TLL2: variants seen among roughly 807,000 people sequenced by gnomAD.
TLL2 encodes tolloid-like protein 2.
In TLL2, 106 loss-of-function variants were observed where a neutral mutation model predicts 123.0. The ratio of observed to expected loss-of-function variants is 0.86; its 90% confidence interval spans 0.74 to 1.01. The LOEUF (loss-of-function observed/expected upper bound fraction) is 1.01. TLL2 is among the 50% of genes least tolerant of loss of function. The pLI, the probability that TLL2 is intolerant of heterozygous loss-of-function variation, is 0.00. For synonymous variants in TLL2, 494 were observed against 516.8 expected (o/e 0.96, Z 0.60); for missense variants, 1,332 against 1,336.7 (o/e 1.00, Z 0.06).
chr10:96,496,200 C>T (rs1226402141), intron 1 of TLL2, among the ~76,000 whole-genome samples: 1 of 152,182 alleles, frequency 6.6e-6, no homozygotes, highest in Admixed American at 6.5e-5. Flanking sequence ...TAATTGATCA[C>T]AGCTCTCCTG....
chr10:96,374,033 T>C (rs1338353878), intron 18 of TLL2: 1 of 551,248 alleles, frequency 1.8e-6, no homozygotes, highest in Non-Finnish European at 3.3e-6. Context: ...AGTAGTTACA[T>C]GAGCTATTGC....
chr10:96,433,059 T>C, intron 3 of TLL2, 97 bp from the exon 4 acceptor site: 1 of 1,496,558 alleles, frequency 6.7e-7, no homozygotes, highest in Non-Finnish European at 9.1e-7. Context: ...AAGGGGGTGT[T>C]AAAACATGTT....
At chr10:96,442,141 G>A (rs1846855563) in intron 3 of TLL2, among the ~76,000 whole-genome samples, 1 of 152,176 alleles carries the variant, frequency 6.6e-6, no homozygotes, top group Non-Finnish European at 1.5e-5. Context: ...TCTGACCAAA[G>A]GGTCTGCCGG....
At chr10:96,413,878 C>T (rs1412078877) in intron 7 of TLL2, among the ~76,000 whole-genome samples, 1 of 152,024 alleles carries the variant, frequency 6.6e-6, no homozygotes, top group East Asian at 1.9e-4. Flanking sequence ...TGAAAAAAGC[C>T]CTGGACTAGA....
At chr10:96,388,429 A>T (rs901780884) in intron 13 of TLL2, among the ~76,000 whole-genome samples, 1 of 152,178 alleles carries the variant, frequency 6.6e-6, no homozygotes, top group South Asian at 2.1e-4. Context: ...TGTTCACCAA[A>T]TCTTGAAATA....
rs1229983175 is a variant in TLL2 at position 96,437,346 on chromosome 10, A to G, written c.365-4384T>C. Among the ~76,000 whole-genome samples the G allele has an allele frequency of 3.3e-5, 5 of 152,322 alleles. No individual in the cohort carries two copies. The South Asian group carries it at 8.3e-4, about 25-fold the overall frequency. On this transcript the variant is annotated intron_variant, in intron 3 of 20. Coordinates refer to ENST00000357947, the MANE Select transcript of TLL2 (RefSeq NM_012465.4). ...TGCAAAACTACAGTACAATAACACA[A>G]CTAGGATATGGGCATTGATACAAGC... is the stretch of plus-strand genomic sequence containing the variant.
intron 1 of TLL2, among the ~76,000 whole-genome samples, chr10:96,489,419 C>T (rs1847390333): frequency 6.6e-6 from 1 of 152,158 alleles, no homozygotes; most frequent in Non-Finnish European, 1.5e-5. Context: ...GCCCCAGGTA[C>T]ATGGGAGGCT....
intron 2 of TLL2, among the ~76,000 whole-genome samples, chr10:96,468,439 G>A (rs1847149817): frequency 6.6e-6 from 1 of 152,190 alleles, no homozygotes; most frequent in Non-Finnish European, 1.5e-5. Context: ...TGAGAAGAGA[G>A]ATCAGCCTTG....
intron 19 of TLL2, among the ~76,000 whole-genome samples, chr10:96,371,352 A>C (rs1015838560): frequency 6.6e-6 from 1 of 152,066 alleles, no homozygotes; most frequent in Non-Finnish European, 1.5e-5. Context: ...AAATAAATAA[A>C]ATAGATAGAT....
Position 96,422,838 on chromosome 10 carries a change from G to A in TLL2, c.639-111C>T. 3 of 1,330,682 alleles carry A rather than the reference G, an allele frequency of 2.3e-6. No individual in the cohort carries two copies. In the South Asian group the frequency reaches 4.0e-5, roughly 18 times the overall value. The allele number at this position is 1,330,682 out of a possible 1,614,324, so 82.4% of individuals were successfully genotyped here. ...GTGCGTGTGTGCATGTAAAAGAACA[G>A]AATTTCAGGCCGGGTGCAGTGGCTT... is the stretch of plus-strand genomic sequence containing the variant. On this transcript the variant is annotated intron_variant, in intron 5 of 20. Transcript: ENST00000357947.
intron 3 of TLL2, among the ~76,000 whole-genome samples, chr10:96,444,222 C>G (rs1418232022): frequency 6.6e-6 from 1 of 152,186 alleles, no homozygotes; most frequent in Non-Finnish European, 1.5e-5. Flanking sequence ...CCTTTTGAAA[C>G]ACAACCTAGC....
Position 96,422,574 on chromosome 10 carries a change from G to A in TLL2, c.792C>T (p.Thr264=). 1.2e-6 allele frequency: 2 copies of A among 1,614,146 alleles called. No individual in the cohort carries two copies. The highest frequency in any genetic ancestry group is 2.2e-5 in the East Asian group (1 of 44,872). The stretch of plus-strand genomic sequence containing the variant: ...CTGGCTGGATGTTTTCCCTGATGAT[G>A]GTGACATGTTGGTCTCTGTCTGGCC... ...HTRPDRDQHV[T]IIRENIQPGQ... The change falls in exon 6 of 21, where the codon ACC becomes ACT. Residue 264 remains threonine (T), a synonymous_variant. Coordinates refer to ENST00000357947, the MANE Select transcript of TLL2 (RefSeq NM_012465.4).
chr10:96,444,456 C>T lies in TLL2; in HGVS notation c.364+1635G>A, dbSNP rs757752695. ...GGTTGTGCCCATGAGGTATTGATGA[C>T]GAAAGCATGATGCAGAAAAAATGTG... On this transcript the variant is annotated intron_variant, in intron 3 of 20. Coordinates refer to ENST00000357947, the MANE Select transcript of TLL2 (RefSeq NM_012465.4). Among the ~76,000 whole-genome samples the T allele has an allele frequency of 1.2e-4, 19 of 152,046 alleles. 1 individual carries two copies. The highest frequency in any genetic ancestry group is 9.8e-4 in the Admixed American group (15 of 15,268).
intron 2 of TLL2, among the ~76,000 whole-genome samples, chr10:96,459,857 T>C (rs1683699053): frequency 6.6e-6 from 1 of 150,686 alleles, no homozygotes; most frequent in Non-Finnish European, 1.5e-5. Flanking sequence ...GGTACTGAGA[T>C]TATTATTTAG....
intron 2 of TLL2, among the ~76,000 whole-genome samples, chr10:96,459,060 C>T (rs868508861): frequency 2.0e-5 from 3 of 152,154 alleles, no homozygotes; most frequent in Non-Finnish European, 4.4e-5. Flanking sequence ...GCATTTTTAT[C>T]GCAATTTATG....
chr10:96,459,155 GA>G (rs1847048106), intron 2 of TLL2, among the ~76,000 whole-genome samples: 1 of 152,098 alleles, frequency 6.6e-6, no homozygotes, highest in African/African-American at 2.4e-5. Flanking sequence ...TTCCCCAAAC[GA>G]AGTTATGGGT....
At chr10:96,482,422 C>T (rs945633440) in intron 1 of TLL2, among the ~76,000 whole-genome samples, 12 of 152,194 alleles carry the variant, frequency 7.9e-5, no homozygotes, top group African/African-American at 2.7e-4. Context: ...CTTGAAACAA[C>T]TTACATGTCC....
At chr10:96,491,763 T>C (rs72812932) in intron 1 of TLL2, among the ~76,000 whole-genome samples, 23,317 of 152,162 alleles carry the variant, frequency 0.15, 2,395 homozygotes, top group East Asian at 0.44. Flanking sequence ...CCTTGGTTTG[T>C]GGTGTTTGCT....
In TLL2 at chr10:96,395,870, C is replaced by T. The variant is rs1258171234; in HGVS notation, c.1530+5G>A. Reference sequence around the variant, plus strand: ...CCTTGGGAAGCCGGTCTGAGCAGCACTCACCTCAAAAGCTTGGAAGGTAAG... The same window carrying T: ...CCTTGGGAAGCCGGTCTGAGCAGCATTCACCTCAAAAGCTTGGAAGGTAAG... On this transcript the variant is annotated splice_donor_5th_base_variant and intron_variant, in intron 12 of 20. Coordinates refer to ENST00000357947, the MANE Select transcript of TLL2 (RefSeq NM_012465.4). 1 of 1,614,180 alleles carries T rather than the reference C, an allele frequency of 6.2e-7. No individual in the cohort carries two copies. The highest frequency in any genetic ancestry group is 1.7e-5 in the Admixed American group (1 of 60,024).
Sources: allele counts gnomAD v4.1 joint callset (sites outside exome capture counted in the v4.1 genomes callset), GRCh38; gene constraint gnomAD v4.1.1; transcripts MANE v1.5; gene names NCBI Gene and HGNC (gene_info 2026-07-23, HGNC 2026-07-21).